The following NTRK2 variants were observed in gnomAD, a reference collection of about 807,000 sequenced individuals.
NTRK2 encodes BDNF/NT-3 growth factors receptor.
NTRK2 carries 13 observed loss-of-function variants against 94.5 expected under a neutral mutation model. The ratio of observed to expected loss-of-function variants is 0.14; its 90% CI spans 0.09 to 0.22. The LOEUF (loss-of-function observed/expected upper bound fraction) is 0.22. Ranked by LOEUF, NTRK2 falls within the 10% of genes least tolerant of loss-of-function variation. The pLI is 1.00. For synonymous variants in NTRK2, 372 were observed against 407.4 expected (o/e 0.91, Z 1.05); for missense variants, 639 against 1,071.2 (o/e 0.60, Z 5.63).
At chr9:85,019,638 G>C (rs1832607105) in intron 17 of NTRK2, among the ~76,000 whole-genome samples, 1 of 152,172 alleles carries the variant, frequency 6.6e-6, no homozygotes, top group Admixed American at 6.5e-5. Flanking sequence ...CCAAAGACCT[G>C]AGTTTTGTTT....
rs1040719894 is a variant in NTRK2 at position 85,006,022 on chromosome 9, A to G, written c.2173-14184A>G. ...ATCCGTGACCCCTGTGCCTACGACA[A>G]TGCCTCACACCCAGGAGGTAGCTCA... On this transcript the variant is annotated intron_variant, in intron 17 of 18. Transcript: ENST00000277120. Among the ~76,000 whole-genome samples the G allele has an allele frequency of 2.6e-5, 4 of 152,210 alleles. 1 individual carries two copies. The highest frequency in any genetic ancestry group is 1.3e-4 in the Admixed American group (2 of 15,278).
At chr9:84,902,432 G>A (rs2076959152) in intron 14 of NTRK2, among the ~76,000 whole-genome samples, 1 of 152,150 alleles carries the variant, frequency 6.6e-6, no homozygotes, top group Non-Finnish European at 1.5e-5. Context: ...GAGAAGGAGA[G>A]GGGAGGTGAA....
chr9:84,755,037 G>A (rs1193421009), intron 12 of NTRK2, among the ~76,000 whole-genome samples: 3 of 152,180 alleles, frequency 2.0e-5, no homozygotes, highest in Admixed American at 2.0e-4. Context: ...CAAGCTTTAT[G>A]GATTGGCCTG....
At chr9:84,719,428 GA>G (rs1217325283) in intron 6 of NTRK2, among the ~76,000 whole-genome samples, 2 of 151,346 alleles carry the variant, frequency 1.3e-5, no homozygotes, top group Non-Finnish European at 2.9e-5. Context: ...GCTTGAGTTT[GA>G]AAAAAAACCC....
intron 14 of NTRK2, among the ~76,000 whole-genome samples, chr9:84,931,563 C>T (rs954305739): frequency 6.6e-6 from 1 of 152,044 alleles, no homozygotes; most frequent in Non-Finnish European, 1.5e-5. Context: ...AAAGATGCAG[C>T]TCTCCTGCTT....
chr9:84,764,681 C>A (rs1290145135), intron 12 of NTRK2, among the ~76,000 whole-genome samples: 1 of 152,162 alleles, frequency 6.6e-6, no homozygotes, highest in Non-Finnish European at 1.5e-5. Context: ...AATTGAGCTA[C>A]CATGTGATCC....
At position 85,027,006 on chromosome 9, in the gene NTRK2, A is replaced by T. The variant is rs1833065232; in HGVS notation, c.*5569A>T. 2 of 232,142 alleles carry T rather than the reference A, an allele frequency of 8.6e-6. No individual in the cohort carries two copies. The highest frequency in any genetic ancestry group is 1.7e-5 in the Non-Finnish European group (2 of 117,460). 14.4% of individuals were successfully genotyped at this position (232,142 alleles called of 1,614,324 possible). ...TGACATGGAAAGTCTCTTGTACTAC[A>T]GTGTATTTAATAAAAATGATGTCTT... On this transcript the variant is annotated 3_prime_UTR_variant, in exon 19 of 19. Transcript: ENST00000277120.
At chr9:84,770,432 G>GC (rs2066442404) in intron 12 of NTRK2, among the ~76,000 whole-genome samples, 1 of 152,082 alleles carries the variant, frequency 6.6e-6, no homozygotes, top group Admixed American at 6.6e-5. Context: ...TTGCAATCTT[G>GC]CCTGGCTTCT....
chr9:84,987,775 A>G (rs1828512247), intron 17 of NTRK2, among the ~76,000 whole-genome samples: 1 of 152,346 alleles, frequency 6.6e-6, no homozygotes, highest in East Asian at 1.9e-4. Flanking sequence ...TATTTTCACA[A>G]AAAGAATTTT....
At chr9:84,787,729 A>G (rs1031611238) in intron 12 of NTRK2, among the ~76,000 whole-genome samples, 2 of 152,238 alleles carry the variant, frequency 1.3e-5, no homozygotes, top group East Asian at 3.8e-4. Flanking sequence ...AATTGCAAAA[A>G]TAAATGGTGA....
chr9:84,931,441 A>G (rs935909801), intron 14 of NTRK2, among the ~76,000 whole-genome samples: 2 of 151,712 alleles, frequency 1.3e-5, no homozygotes, highest in African/African-American at 4.8e-5. Context: ...AGAGAGAGAA[A>G]TTTATTCCAT....
intron 12 of NTRK2, among the ~76,000 whole-genome samples, chr9:84,817,389 T>G (rs2072495668): frequency 1.3e-5 from 2 of 152,250 alleles, no homozygotes; most frequent in Non-Finnish European, 2.9e-5. Flanking sequence ...TGCTCTTGAA[T>G]TCTTCTCTTT....
intron 8 of NTRK2, among the ~76,000 whole-genome samples, chr9:84,725,666 A>G (rs958944252): frequency 2.7e-5 from 4 of 148,322 alleles, no homozygotes; most frequent in African/African-American, 7.4e-5. Flanking sequence ...TATATTATGT[A>G]TATATATATG....
chr9:84,871,803 C>T, intron 14 of NTRK2: 3 of 1,613,710 alleles, frequency 1.9e-6, no homozygotes, highest in Non-Finnish European at 2.5e-6. Flanking sequence ...CAGAGGTTCC[C>T]CCAAGACCGC....
intron 17 of NTRK2, among the ~76,000 whole-genome samples, chr9:84,957,321 C>T (rs1312968374): frequency 6.6e-6 from 1 of 152,180 alleles, no homozygotes; most frequent in Non-Finnish European, 1.5e-5. Context: ...ATCTCCAAAG[C>T]TAGGACTTAA....
At chr9:84,904,062 A>G (rs1233824931) in intron 14 of NTRK2, among the ~76,000 whole-genome samples, 3 of 152,196 alleles carry the variant, frequency 2.0e-5, no homozygotes, top group Non-Finnish European at 4.4e-5. Context: ...CGAAGTTATT[A>G]TAGATTATTT....
intron 17 of NTRK2, among the ~76,000 whole-genome samples, chr9:84,987,573 T>A (rs1236396145): frequency 6.6e-6 from 1 of 152,196 alleles, no homozygotes; most frequent in Non-Finnish European, 1.5e-5. Flanking sequence ...AGTGAAGCAT[T>A]AAGAATGAAA....
At chr9:84,888,982 A>ATTTTTTTTTT (rs71369159) in intron 14 of NTRK2, among the ~76,000 whole-genome samples, 1,991 of 101,640 alleles carry the variant, frequency 0.02, 521 homozygotes, top group African/African-American at 0.041. Context: ...AATGACAGAA[A>ATTTTTTTTTT]TTTTTTTTTT....
intron 2 of NTRK2, among the ~76,000 whole-genome samples, chr9:84,673,226 A>T (rs1283228690): frequency 6.6e-6 from 1 of 152,100 alleles, no homozygotes; most frequent in African/African-American, 2.4e-5. Context: ...ATTATTTTGA[A>T]TTCTGCTTTT....
Sources: allele counts gnomAD v4.1 joint callset (sites outside exome capture counted in the v4.1 genomes callset), GRCh38; gene constraint gnomAD v4.1.1; transcripts MANE v1.5; gene names NCBI Gene and HGNC (gene_info 2026-07-23, HGNC 2026-07-21).